SLC25A26: variants seen among roughly 807,000 people sequenced by gnomAD.
SLC25A26 encodes the protein mitochondrial S-adenosylmethionine carrier protein.
Under a neutral mutation model 37.8 loss-of-function variants are expected in SLC25A26, and 36 were observed. The observed-to-expected ratio is 0.95, with a 90% CI of 0.73 to 1.26. The LOEUF (loss-of-function observed/expected upper bound fraction) is 1.26, where lower values mean the gene tolerates loss of function less well. Among genes scored for constraint, SLC25A26 ranks in the 50% most tolerant of loss-of-function variants. The probability of loss-of-function intolerance (pLI) is 0.00; values close to 1 mark genes in which losing one functional copy is unlikely to be tolerated. For missense variants in SLC25A26, 390 were observed against 331.1 expected, an observed-to-expected ratio of 1.18 and a Z score of -1.38; for synonymous variants, 129 against 122.5, an observed-to-expected ratio of 1.05 and a Z score of -0.35.
intron 1 of SLC25A26, among the ~76,000 whole-genome samples, chr3:66,194,032 ACAACAATATTAGAC>A (rs1369621054): frequency 6.6e-6 from 1 of 152,214 alleles, no homozygotes; most frequent in Non-Finnish European, 1.5e-5. Context: ...CGATAAGTTG[ACAACAATATTAGAC>A]CAACACTGGT....
intron 9 of SLC25A26, chr3:66,371,351 G>T (rs1700334936): frequency 6.5e-7 from 1 of 1,542,996 alleles, no homozygotes. Flanking sequence ...TGTGATTGTA[G>T]TTTTTGTGTA....
At chr3:66,221,260 G>A in intron 1 of SLC25A26, 133 bp downstream of exon 1, 3 of 1,012,982 alleles carry the variant, frequency 3.0e-6, no homozygotes, top group Non-Finnish European at 4.1e-6. Flanking sequence ...AGCCAGGTCT[G>A]AGAGGGAGCA....
intron 1 of SLC25A26, among the ~76,000 whole-genome samples, chr3:66,197,247 A>C (rs2071056592): frequency 6.6e-6 from 1 of 152,172 alleles, no homozygotes; most frequent in Admixed American, 6.5e-5. Flanking sequence ...ACCTTACACA[A>C]TGAGTATCGG....
At chr3:66,209,232 C>T (rs1407673328) in intron 1 of SLC25A26, among the ~76,000 whole-genome samples, 74,792 of 131,762 alleles carry the variant, frequency 0.57, 23,591 homozygotes, top group Middle Eastern at 0.79. Flanking sequence ...GAATATATAA[C>T]GATATACCCA....
intron 5 of SLC25A26, among the ~76,000 whole-genome samples, chr3:66,276,326 G>A (rs2074145214): frequency 6.6e-6 from 1 of 152,062 alleles, no homozygotes; most frequent in Admixed American, 6.6e-5. Flanking sequence ...CAAATCCTGT[G>A]ATTCTTATTA....
intron 5 of SLC25A26, among the ~76,000 whole-genome samples, chr3:66,342,311 A>G (rs573458914): frequency 1.2e-4 from 18 of 152,304 alleles, no homozygotes; most frequent in African/African-American, 4.3e-4. Context: ...AAGCTTTTAC[A>G]GCTTTTTAGA....
intron 1 of SLC25A26, among the ~76,000 whole-genome samples, chr3:66,155,810 C>T (rs2070274658): frequency 6.6e-6 from 1 of 152,106 alleles, no homozygotes; most frequent in Admixed American, 6.6e-5. Context: ...CCCTCTTCTC[C>T]TCTCATCTCC....
chr3:66,347,567 G>A (rs189488473), intron 6 of SLC25A26, among the ~76,000 whole-genome samples: 42 of 152,266 alleles, frequency 2.8e-4, no homozygotes, highest in Admixed American at 9.8e-4. Flanking sequence ...ACAGTGTGGC[G>A]ATTTCTCAAA....
chr3:66,241,155 C>A (rs889084449), intron 2 of SLC25A26, among the ~76,000 whole-genome samples: 1 of 152,034 alleles, frequency 6.6e-6, no homozygotes, highest in South Asian at 2.1e-4. Flanking sequence ...TGAAAAAAAG[C>A]CATGTGTAAG....
At chr3:66,307,739 C>T (rs1162975082) in intron 5 of SLC25A26, among the ~76,000 whole-genome samples, 1 of 152,196 alleles carries the variant, frequency 6.6e-6, no homozygotes, top group African/African-American at 2.4e-5. Flanking sequence ...TTTCCCAACA[C>T]CATTTATTAA....
intron 1 of SLC25A26, among the ~76,000 whole-genome samples, chr3:66,231,212 G>A (rs1278837223): frequency 2.0e-5 from 3 of 152,138 alleles, no homozygotes; most frequent in South Asian, 2.1e-4. Flanking sequence ...TGAGATGTTC[G>A]AGTAGTCAGA....
intron 1 of SLC25A26, among the ~76,000 whole-genome samples, chr3:66,159,372 C>T (rs961533064): frequency 1.3e-5 from 2 of 152,148 alleles, no homozygotes; most frequent in East Asian, 1.9e-4. Flanking sequence ...TCCCACCAAG[C>T]CTGGTGTTTT....
In SLC25A26 at chr3:66,327,436, T is replaced by C. The variant is rs191282197; in HGVS notation, c.454-18928T>C. On this transcript the variant is annotated intron_variant, in intron 5 of 9. Coordinates refer to ENST00000354883, the MANE Select transcript of SLC25A26 (RefSeq NM_001379210.1). The stretch of plus-strand genomic sequence containing the variant: ...ATATATTTCTGCTGTTAAAAATGTT[T>C]AAGATCGCTTCCCACTCATAAATAT... 2.0e-3 allele frequency among the ~76,000 whole-genome samples: 307 copies of C among 152,344 alleles called. 3 individuals are homozygous for C. The highest frequency in any genetic ancestry group is 6.8e-3 in the African/African-American group (284 of 41,578).
rs146506459 is a variant in SLC25A26, at chr3:66,162,469, T to C, written c.-354+28485T>C. On this transcript the variant is annotated intron_variant, in intron 1 of 10. Coordinates refer to the SLC25A26 transcript ENST00000676754. ...AGAATTTAGTGTTCCAAAGCACCCA[T>C]GTATCAAGGCCTAGAAGTGAGAAAA... Among the ~76,000 whole-genome samples the C allele has an allele frequency of 1.9e-3, 293 of 151,404 alleles. 1 individual carries two copies. The highest frequency in any genetic ancestry group is 6.6e-3 in the African/African-American group (274 of 41,214).
At chr3:66,262,204 T>C (rs1246476621) in intron 4 of SLC25A26, 49 bp downstream of exon 4, 1 of 983,402 alleles carries the variant, frequency 1.0e-6, no homozygotes, top group East Asian at 2.7e-5. Context: ...GATTTTATAG[T>C]AGCTAATACG....
At chr3:66,232,873 C>T (rs904242837) in intron 1 of SLC25A26, among the ~76,000 whole-genome samples, 1 of 152,136 alleles carries the variant, frequency 6.6e-6, no homozygotes, top group Non-Finnish European at 1.5e-5. Context: ...AGAGAGGCAG[C>T]GAGCACTGCA....
At chr3:66,168,939 T>C (rs374841527) in intron 1 of SLC25A26, among the ~76,000 whole-genome samples, 1 of 152,144 alleles carries the variant, frequency 6.6e-6, no homozygotes, top group African/African-American at 2.4e-5. Flanking sequence ...TTGAGCAACA[T>C]AGCAAGACCT....
At chr3:66,239,301 G>A (rs1011548311) in intron 2 of SLC25A26, among the ~76,000 whole-genome samples, 16 of 148,402 alleles carry the variant, frequency 1.1e-4, no homozygotes, top group African/African-American at 4.0e-4. Context: ...TCTCTTTTAT[G>A]GTTTTCTTGA....
At chr3:66,336,357 A>C (rs1220763523) in intron 5 of SLC25A26, among the ~76,000 whole-genome samples, 1 of 152,200 alleles carries the variant, frequency 6.6e-6, no homozygotes, top group Non-Finnish European at 1.5e-5. Flanking sequence ...AGATGCTAAA[A>C]TGTGCTGCTG....
Sources: allele counts gnomAD v4.1 joint callset (sites outside exome capture counted in the v4.1 genomes callset), GRCh38; gene constraint gnomAD v4.1.1; transcripts MANE v1.5; gene names NCBI Gene and HGNC (gene_info 2026-07-23, HGNC 2026-07-21).